The following MDGA2 variants were observed in gnomAD, a reference collection of about 807,000 sequenced individuals.
The protein encoded by MDGA2 is MAM domain containing glycosylphosphatidylinositol anchor 2.
In MDGA2, 40 loss-of-function variants were observed where a neutral mutation model predicts 117.8. The ratio of observed to expected loss-of-function variants is 0.34; its 90% CI spans 0.26 to 0.44. The LOEUF is 0.44. Ranked by LOEUF, MDGA2 falls within the 20% of genes least tolerant of loss-of-function variation. MDGA2 has a pLI of 1.00. For missense variants in MDGA2, 1,123 were observed against 1,250.6 expected, an observed-to-expected ratio of 0.90 and a Z score of 1.54; for synonymous variants, 452 against 439.0, an observed-to-expected ratio of 1.03 and a Z score of -0.37.
intron 3 of MDGA2, among the ~76,000 whole-genome samples, chr14:47,174,244 C>T (rs1448209095): frequency 2.0e-5 from 3 of 152,112 alleles, no homozygotes; most frequent in African/African-American, 4.8e-5. Flanking sequence ...ATCAACGAGA[C>T]AGAAAGTTAA....
At chr14:47,543,686 T>C (rs1345164489) in intron 1 of MDGA2, among the ~76,000 whole-genome samples, 1 of 152,236 alleles carries the variant, frequency 6.6e-6, no homozygotes, top group East Asian at 1.9e-4. Flanking sequence ...CTGCTAGAGG[T>C]ATAGTCATAA....
intron 8 of MDGA2, among the ~76,000 whole-genome samples, chr14:47,023,072 A>G (rs545408309): frequency 6.6e-6 from 1 of 152,244 alleles, no homozygotes; most frequent in African/African-American, 2.4e-5. Context: ...AAGCAAATAC[A>G]GAAAGAACTG....
chr14:47,617,600 T>C (rs1896970570), intron 1 of MDGA2, among the ~76,000 whole-genome samples: 1 of 152,182 alleles, frequency 6.6e-6, no homozygotes, highest in South Asian at 2.1e-4. Flanking sequence ...CCTACCAGCT[T>C]GCTACAGTTC....
intron 9 of MDGA2, among the ~76,000 whole-genome samples, chr14:46,946,933 T>C (rs1186725351): frequency 6.6e-6 from 1 of 152,086 alleles, no homozygotes; most frequent in East Asian, 1.9e-4. Context: ...CTGCCCCTTA[T>C]GTCATATTGG....
intron 1 of MDGA2, among the ~76,000 whole-genome samples, chr14:47,440,557 C>T (rs573519769): frequency 1.6e-3 from 244 of 152,174 alleles, no homozygotes; most frequent in African/African-American, 5.4e-3. Context: ...TATATAAACG[C>T]TTTTCCAGAG....
At chr14:47,052,196 G>C (rs1889483175) in intron 7 of MDGA2, among the ~76,000 whole-genome samples, 1 of 151,358 alleles carries the variant, frequency 6.6e-6, no homozygotes, top group South Asian at 2.1e-4. Flanking sequence ...AATTCAAATA[G>C]TTTCTATGTT....
At chr14:47,212,385 C>A (rs1042201511) in intron 3 of MDGA2, among the ~76,000 whole-genome samples, 3 of 152,060 alleles carry the variant, frequency 2.0e-5, no homozygotes, top group Non-Finnish European at 4.4e-5. Context: ...GTAACAAGAA[C>A]CTCCAAGGTA....
At position 47,068,899 on chromosome 14, in the gene MDGA2, C is replaced by T. The variant is rs541376095; in HGVS notation, c.1196-7321G>A. Reference sequence around the variant, plus strand: ...TCTTGAGCTTTTTTGTTTTCTGTCTCGTAAGCGGTGCCCTTTCCCTTTCCA... The same window carrying T: ...TCTTGAGCTTTTTTGTTTTCTGTCTTGTAAGCGGTGCCCTTTCCCTTTCCA... On this transcript the variant is annotated intron_variant, in intron 6 of 16. Coordinates refer to ENST00000399232, the MANE Select transcript of MDGA2 (RefSeq NM_001113498.3). Among the ~76,000 whole-genome samples, 5 of 152,200 alleles carry T rather than the reference C, an allele frequency of 3.3e-5. No individual in the cohort carries two copies. In the South Asian group the frequency reaches 1.0e-3, roughly 32 times the overall value.
chr14:47,197,531 GGTAAC>G (rs1885331107), intron 3 of MDGA2, among the ~76,000 whole-genome samples: 1 of 152,126 alleles, frequency 6.6e-6, no homozygotes, highest in South Asian at 2.1e-4. Context: ...GGTATTGTTT[GGTAAC>G]TTGATTGACT....
chr14:46,866,770 A>C (rs1881782752), intron 14 of MDGA2, among the ~76,000 whole-genome samples: 1 of 152,150 alleles, frequency 6.6e-6, no homozygotes, highest in Admixed American at 6.6e-5. Context: ...ACATTTATGC[A>C]GCCAAAAAAC....
intron 9 of MDGA2, among the ~76,000 whole-genome samples, chr14:46,947,042 T>C (rs972802091): frequency 6.6e-6 from 1 of 152,106 alleles, no homozygotes; most frequent in East Asian, 1.9e-4. Flanking sequence ...ACTCATTCTT[T>C]CTTCTTTCTC....
At chr14:47,416,515 T>C (rs966302828) in intron 1 of MDGA2, among the ~76,000 whole-genome samples, 3 of 152,132 alleles carry the variant, frequency 2.0e-5, no homozygotes, top group African/African-American at 7.2e-5. Flanking sequence ...TAGAATCACA[T>C]GAAGGCTACC....
At chr14:46,978,731 T>C (rs1056024478) in intron 8 of MDGA2, among the ~76,000 whole-genome samples, 3 of 152,192 alleles carry the variant, frequency 2.0e-5, no homozygotes, top group East Asian at 3.9e-4. Context: ...GAAAATACTA[T>C]AGAATCCCTA....
intron 2 of MDGA2, among the ~76,000 whole-genome samples, chr14:47,283,733 G>A (rs1030684549): frequency 6.6e-6 from 1 of 152,144 alleles, no homozygotes; most frequent in Admixed American, 6.5e-5. Flanking sequence ...TGATAATCCT[G>A]TAGTGCTATT....
intron 1 of MDGA2, among the ~76,000 whole-genome samples, chr14:47,661,746 CTTT>C (rs1172717995): frequency 2.1e-5 from 2 of 97,192 alleles, no homozygotes; most frequent in Non-Finnish European, 3.8e-5. Flanking sequence ...ATCAGAGTTT[CTTT>C]TTTTTTTTTT....
intron 1 of MDGA2, among the ~76,000 whole-genome samples, chr14:47,664,688 T>C (rs1332238992): frequency 6.6e-6 from 1 of 152,224 alleles, no homozygotes; most frequent in Non-Finnish European, 1.5e-5. Context: ...CATACCTCTC[T>C]TTTCACAAGG....
chr14:47,390,673 G>T lies in MDGA2; in HGVS notation c.281-89123C>A, dbSNP rs577976130. Among the ~76,000 whole-genome samples, 5 of 152,254 alleles carry T rather than the reference G, an allele frequency of 3.3e-5. No individual in the cohort carries two copies. In the East Asian group the frequency reaches 9.7e-4, roughly 29 times the overall value. On this transcript the variant is annotated intron_variant, in intron 1 of 16. Coordinates refer to ENST00000399232, the MANE Select transcript of MDGA2 (RefSeq NM_001113498.3). ...TTCTATCTTCGCAATCTCTTTAGTGGATTTCTGTGATGCAGGTTACATTCC... is the reference window on the plus strand; with the variant it reads ...TTCTATCTTCGCAATCTCTTTAGTGTATTTCTGTGATGCAGGTTACATTCC...
At chr14:47,251,188 T>C (rs1887432731) in intron 2 of MDGA2, among the ~76,000 whole-genome samples, 1 of 152,216 alleles carries the variant, frequency 6.6e-6, no homozygotes, top group South Asian at 2.1e-4. Flanking sequence ...CCTAGAATTC[T>C]TCATTGCAGT....
intron 9 of MDGA2, among the ~76,000 whole-genome samples, chr14:46,949,117 TTATC>T (rs1885278007): frequency 6.6e-6 from 1 of 152,056 alleles, no homozygotes; most frequent in Admixed American, 6.6e-5. Flanking sequence ...GGAAGCAGAT[TTATC>T]ATCTCCCATT....
Sources: allele counts gnomAD v4.1 joint callset (sites outside exome capture counted in the v4.1 genomes callset), GRCh38; gene constraint gnomAD v4.1.1; transcripts MANE v1.5; gene names NCBI Gene and HGNC (gene_info 2026-07-23, HGNC 2026-07-21).